KDM4C: variants seen among roughly 807,000 people sequenced by gnomAD.
The protein encoded by KDM4C is lysine demethylase 4C, also known as lysine-specific demethylase 4C.
Under a neutral mutation model 129.3 loss-of-function variants are expected in KDM4C, and 81 were observed. The observed-to-expected ratio is 0.63, with a 90% CI of 0.52 to 0.75. The LOEUF is 0.75. KDM4C is among the 30% of genes least tolerant of loss of function. The pLI is 0.00. For missense variants in KDM4C, 1,457 were observed against 1,304.0 expected (o/e 1.12, Z -1.81); for synonymous variants, 573 against 456.1 (o/e 1.26, Z -3.26).
At chr9:6,959,044 G>C (rs1379513318) in intron 8 of KDM4C, among the ~76,000 whole-genome samples, 2 of 152,148 alleles carry the variant, frequency 1.3e-5, no homozygotes. Context: ...TTAAAGCCTG[G>C]AGCCTAGAAT....
chr9:6,970,825 C>T (rs1182030584), intron 8 of KDM4C, among the ~76,000 whole-genome samples: 1 of 132,580 alleles, frequency 7.5e-6, no homozygotes, highest in Non-Finnish European at 1.6e-5. Flanking sequence ...CCCGGTCTCA[C>T]CCCCAGGGTA....
At position 7,175,027 on chromosome 9, in the gene KDM4C, G is replaced by C. The variant is rs1845316329; in HGVS notation, c.*298G>C. 1 of 243,892 alleles carries C rather than the reference G, an allele frequency of 4.1e-6. No individual in the cohort carries two copies. The highest frequency in any genetic ancestry group is 2.2e-5 in the African/African-American group (1 of 46,046). The allele number at this position is 243,892 out of a possible 1,614,324, so 15.1% of individuals were successfully genotyped here. A position where few individuals can be genotyped will look rare whatever the true frequency, so the allele number is the denominator to read the frequency against. On this transcript the variant is annotated 3_prime_UTR_variant, in exon 22 of 22. Coordinates refer to ENST00000381309, the MANE Select transcript of KDM4C (RefSeq NM_015061.6). Reference sequence around the variant, plus strand: ...ACTAGTGAATCACCCACAAGGAAAAGCCACTGCCACAGAGGAGGCGGGTCC... The same window carrying C: ...ACTAGTGAATCACCCACAAGGAAAACCCACTGCCACAGAGGAGGCGGGTCC...
chr9:6,880,528 C>A (rs1437428200), intron 6 of KDM4C, among the ~76,000 whole-genome samples: 1 of 152,104 alleles, frequency 6.6e-6, no homozygotes, highest in African/African-American at 2.4e-5. Context: ...CCCAGTTCTT[C>A]TGTGGCCCAC....
At chr9:6,840,146 C>T (rs767156917) in intron 4 of KDM4C, among the ~76,000 whole-genome samples, 14 of 151,954 alleles carry the variant, frequency 9.2e-5, no homozygotes, top group Admixed American at 1.3e-4. Context: ...AATCATGGCT[C>T]ACTGCAGCCT....
At chr9:6,948,748 C>G (rs1209388505) in intron 8 of KDM4C, among the ~76,000 whole-genome samples, 1 of 152,030 alleles carries the variant, frequency 6.6e-6, no homozygotes, top group African/African-American at 2.4e-5. Context: ...CGCCCTTAAT[C>G]CATTTAACCC....
chr9:6,867,407 A>G (rs1232687847), intron 5 of KDM4C, among the ~76,000 whole-genome samples: 1 of 152,246 alleles, frequency 6.6e-6, no homozygotes, highest in South Asian at 2.1e-4. Context: ...CAGAAACCAC[A>G]ATTGATATTT....
chr9:7,161,019 A>C (rs887700958), intron 19 of KDM4C, among the ~76,000 whole-genome samples: 2 of 151,840 alleles, frequency 1.3e-5, no homozygotes, highest in Admixed American at 1.3e-4. Flanking sequence ...TTGTTTACCT[A>C]CTCAAGCCTC....
chr9:6,808,084 T>A (rs867300063), intron 3 of KDM4C, among the ~76,000 whole-genome samples: 1 of 46,344 alleles, frequency 2.2e-5, no homozygotes, highest in African/African-American at 1.2e-4. Context: ...GAGGAGCCCC[T>A]CTGCCCGGCC....
chr9:6,949,917 T>C (rs557719431), intron 8 of KDM4C, among the ~76,000 whole-genome samples: 17 of 152,330 alleles, frequency 1.1e-4, no homozygotes, highest in African/African-American at 3.8e-4. Flanking sequence ...TTGATGTTCT[T>C]TCTGGATTTT....
chr9:6,830,342 G>T (rs954200289), intron 4 of KDM4C, among the ~76,000 whole-genome samples: 2 of 152,134 alleles, frequency 1.3e-5, no homozygotes, highest in African/African-American at 4.8e-5. Flanking sequence ...AGAGCAGCAG[G>T]TCTGGCTGAG....
At chr9:6,929,472 T>A (rs971091147) in intron 8 of KDM4C, among the ~76,000 whole-genome samples, 11 of 47,612 alleles carry the variant, frequency 2.3e-4, no homozygotes, top group Non-Finnish European at 4.4e-4. Flanking sequence ...TGACTTTTTC[T>A]TTTTTTTTTT....
intron 5 of KDM4C, among the ~76,000 whole-genome samples, chr9:6,873,055 T>C (rs1215990650): frequency 6.6e-6 from 1 of 152,046 alleles, no homozygotes; most frequent in Non-Finnish European, 1.5e-5. Context: ...GCCTTCTGAG[T>C]AGTTGGGATT....
chr9:6,911,100 C>T (rs1375516143), intron 8 of KDM4C, among the ~76,000 whole-genome samples: 1 of 151,976 alleles, frequency 6.6e-6, no homozygotes, highest in African/African-American at 2.4e-5. Flanking sequence ...AACCAGTTAT[C>T]ACATGTGCAG....
chr9:6,927,252 C>G (rs1822800108), intron 8 of KDM4C, among the ~76,000 whole-genome samples: 1 of 152,096 alleles, frequency 6.6e-6, no homozygotes, highest in South Asian at 2.1e-4. Flanking sequence ...GCCTCAGCCT[C>G]CTGAGTAGTT....
intron 8 of KDM4C, among the ~76,000 whole-genome samples, chr9:6,947,182 A>T (rs1289285237): frequency 6.6e-6 from 1 of 152,136 alleles, no homozygotes; most frequent in Non-Finnish European, 1.5e-5. Context: ...GAAGAATGTC[A>T]CCTTAGAGTT....
rs1261237403 is a variant in KDM4C at position 6,805,762 on chromosome 9, C to T, written c.308C>T (p.Ala103Val). 1.9e-6 allele frequency: 3 copies of T among 1,611,222 alleles called. No homozygotes were observed. Among genetic ancestry groups the T allele is most frequent in the South Asian group, 1.1e-5 (1 of 90,118 alleles). ...ACTGTGAAGGAGTTCAGGCAGCTGG[C>T]CAACAGTGGCAAGTGAGTAGAATCA... ...AMTVKEFRQL[A>V]NSGKYCTPRY... The change falls in exon 3 of 22, where the codon GCC (alanine) becomes GTC (valine). Residue 103 changes from alanine (A) to valine (V), a missense_variant. Ala to Val is a moderately conservative substitution (Grantham distance 64, BLOSUM62 0). Transcript: ENST00000381309.
chr9:6,739,545 T>G (rs141456539), intron 1 of KDM4C, among the ~76,000 whole-genome samples: 4 of 152,118 alleles, frequency 2.6e-5, no homozygotes, highest in Admixed American at 6.6e-5. Flanking sequence ...TCCAGTAAAG[T>G]AGCATTAAAT....
At chr9:6,754,450 T>A (rs1588070841), upstream of KDM4C, among the ~76,000 whole-genome samples, 1 of 152,092 alleles carries the variant, frequency 6.6e-6, no homozygotes, top group East Asian at 1.9e-4. Flanking sequence ...TGACCTTAGG[T>A]GATATGCCCG....
chr9:7,113,364 T>A (rs1321239626), intron 18 of KDM4C, among the ~76,000 whole-genome samples: 1 of 152,230 alleles, frequency 6.6e-6, no homozygotes, highest in East Asian at 1.9e-4. Context: ...GAACCTATCT[T>A]TCTCTTATTC....
Sources: allele counts gnomAD v4.1 joint callset (sites outside exome capture counted in the v4.1 genomes callset), GRCh38; gene constraint gnomAD v4.1.1; transcripts MANE v1.5; gene names NCBI Gene and HGNC (gene_info 2026-07-23, HGNC 2026-07-21).